FANCM: variants seen among roughly 807,000 people sequenced by gnomAD.
FANCM encodes the protein Fanconi anemia group M protein.
A neutral mutation model predicts 199.5 loss-of-function variants in FANCM; 140 were observed. The ratio of observed to expected loss-of-function variants is 0.70; its 90% CI spans 0.61 to 0.81. The LOEUF is 0.81. FANCM is among the 30% of genes least tolerant of loss of function. The probability of loss-of-function intolerance (pLI) is 0.00; values close to 1 mark genes in which losing one functional copy is unlikely to be tolerated. For synonymous variants in FANCM, 840 were observed against 836.8 expected (o/e 1.00, Z -0.07); for missense variants, 2,410 against 2,421.4 (o/e 1.00, Z 0.10).
intron 20 of FANCM, 104 bp downstream of exon 20, chr14:45,189,466 A>G (rs1343320889): frequency 8.7e-6 from 8 of 916,492 alleles, no homozygotes; most frequent in Non-Finnish European, 1.2e-5. Context: ...TCAAAGAAAA[A>G]TTAACAAAAA....
rs1594815120 is a variant in FANCM at position 45,189,094 on chromosome 14, A to G, written c.5072A>G (p.Asn1691Ser). The stretch of plus-strand genomic sequence containing the variant: ...AAAAGAGAATCTAATATTGCGGTTA[A>G]CCCAAGCACTGTTAAGAAGAACAAA... ...NDKRESNIAVNPSTVKKNKQQ... is the reference protein window; with the variant it reads ...NDKRESNIAVSPSTVKKNKQQ... The change falls in exon 20 of 23, where the codon AAC becomes AGC. Residue 1691 changes from asparagine to serine, a missense_variant. By Grantham distance (46) the Asn-to-Ser change is conservative (BLOSUM62 1). Coordinates refer to ENST00000267430, the MANE Select transcript of FANCM (RefSeq NM_020937.4). The G allele has an allele frequency of 6.2e-7, 1 of 1,614,212 alleles. No individual in the cohort carries two copies.
At chr14:45,136,587 C>T in intron 1 of FANCM, 48 bp downstream of exon 1, 1 of 1,573,840 alleles carries the variant, frequency 6.4e-7, no homozygotes. Flanking sequence ...GAATTCCTGA[C>T]CCATGTGGAA....
intron 5 of FANCM, among the ~76,000 whole-genome samples, chr14:45,152,819 G>A (rs547020929): frequency 6.6e-6 from 1 of 152,274 alleles, no homozygotes; most frequent in East Asian, 1.9e-4. Context: ...ATTATACCAC[G>A]AAATGTGGTC....
chr14:45,186,672 T>C (rs1889421319), intron 18 of FANCM, among the ~76,000 whole-genome samples: 1 of 152,192 alleles, frequency 6.6e-6, no homozygotes, highest in African/African-American at 2.4e-5. Context: ...TTAACAGAAG[T>C]GTTTTGCAGG....
At chr14:45,192,293 C>T (rs945564863) in intron 20 of FANCM, among the ~76,000 whole-genome samples, 1 of 152,194 alleles carries the variant, frequency 6.6e-6, no homozygotes, top group Non-Finnish European at 1.5e-5. Context: ...CAGGCCCCTC[C>T]AATGAAAAGC....
chr14:45,159,202 A>T lies in FANCM; in HGVS notation c.1503A>T (p.Pro501=). ...CAGAAATGCTTTCACAGCATCAGCC[A>T]ATTATTAGAGTAATGACTTTTGTCG... is the stretch of plus-strand genomic sequence containing the variant. ...EIAEMLSQHQ[P]IIRVMTFVGH... is the part of the protein sequence containing the mutation. The change falls in exon 9 of 23, where the codon CCA becomes CCT. Residue 501 remains proline, a synonymous_variant. Coordinates refer to ENST00000267430, the MANE Select transcript of FANCM (RefSeq NM_020937.4). 1 of 1,613,912 alleles carries T rather than the reference A, an allele frequency of 6.2e-7. No homozygotes were observed. The highest frequency in any genetic ancestry group is 1.1e-5 in the South Asian group (1 of 91,068).
chr14:45,161,414 CT>C (rs1887598372), intron 9 of FANCM, among the ~76,000 whole-genome samples: 1 of 152,086 alleles, frequency 6.6e-6, no homozygotes, highest in South Asian at 2.1e-4. Context: ...ATGACTTTCT[CT>C]TTTACTCTGA....
chr14:45,160,943 T>C (rs1879839021), intron 9 of FANCM, among the ~76,000 whole-genome samples: 1 of 152,120 alleles, frequency 6.6e-6, no homozygotes, highest in Admixed American at 6.5e-5. Flanking sequence ...AATAATACTT[T>C]TGCCTATTAT....
intron 9 of FANCM, among the ~76,000 whole-genome samples, chr14:45,161,615 C>T (rs1249602048): frequency 1.3e-5 from 2 of 151,990 alleles, no homozygotes; most frequent in African/African-American, 4.8e-5. Context: ...CTTATCTCTA[C>T]CAAAAATACA....
intron 3 of FANCM, among the ~76,000 whole-genome samples, chr14:45,145,138 G>C (rs1024325747): frequency 6.6e-6 from 1 of 151,660 alleles, no homozygotes; most frequent in African/African-American, 2.4e-5. Flanking sequence ...AGGGAGCTAG[G>C]GTCAGGAACG....
rs535515077 is a variant in FANCM at position 45,146,942 on chromosome 14, T to C, written c.760-1895T>C. On this transcript the variant is annotated intron_variant, in intron 3 of 22. Transcript: ENST00000267430. ...GTTATTTTCTTCTTAACATTTGTGA[T>C]AATTGGTCATTCTTTTGCGTATTGA... Among the ~76,000 whole-genome samples the C allele has an allele frequency of 2.3e-3, 350 of 152,238 alleles. 1 individual carries two copies. The highest frequency in any genetic ancestry group is 3.7e-3 in the Non-Finnish European group (249 of 68,000).
chr14:45,178,780 A>G (rs1888870882), intron 14 of FANCM, among the ~76,000 whole-genome samples: 1 of 152,200 alleles, frequency 6.6e-6, no homozygotes, highest in Non-Finnish European at 1.5e-5. Flanking sequence ...GTGGTTTTGT[A>G]TTTGTTATCT....
chr14:45,198,780 G>A lies in FANCM; in HGVS notation c.5853G>A (p.Val1951=), dbSNP rs1425417660. The change falls in exon 22 of 23, where the codon GTG becomes GTA. Residue 1951 remains valine, a synonymous_variant. Coordinates refer to ENST00000267430, the MANE Select transcript of FANCM (RefSeq NM_020937.4). Reference sequence around the variant, plus strand: ...ATTTGCTAAAGGAACTGTCTTTAGTGGAACAAAGAAAGAATGTTGGTATTC... The same window carrying A: ...ATTTGCTAAAGGAACTGTCTTTAGTAGAACAAAGAAAGAATGTTGGTATTC... The part of the protein sequence containing the change: ...TADLLKELSL[V]EQRKNVGIHV... 1.6e-5 allele frequency: 26 copies of A among 1,613,926 alleles called. No homozygotes were observed. The highest frequency in any genetic ancestry group is 2.1e-5 in the Non-Finnish European group (25 of 1,179,910).
At chr14:45,188,008 T>C in intron 19 of FANCM, 121 bp downstream of exon 19, 1 of 676,858 alleles carries the variant, frequency 1.5e-6, no homozygotes, top group Non-Finnish European at 2.7e-6. Flanking sequence ...AGATCATTTC[T>C]GCCCAAAGTC....
intron 20 of FANCM, among the ~76,000 whole-genome samples, chr14:45,189,666 T>C (rs1889642727): frequency 6.6e-6 from 1 of 152,166 alleles, no homozygotes; most frequent in Admixed American, 6.6e-5. Flanking sequence ...ACTGAAATTA[T>C]GTGTTCAGAG....
chr14:45,156,001 T>C (rs1166031312), intron 8 of FANCM, among the ~76,000 whole-genome samples: 3 of 152,044 alleles, frequency 2.0e-5, no homozygotes, highest in Non-Finnish European at 4.4e-5. Context: ...TGGGGTAATA[T>C]AAGGGAAGTG....
rs148988344 is a variant in FANCM at position 45,179,460 on chromosome 14, C to G, written c.4223-1970C>G. Among the ~76,000 whole-genome samples the G allele has an allele frequency of 6.5e-3, 981 of 151,496 alleles. 8 individuals carry two copies. The highest frequency in any genetic ancestry group is 0.023 in the African/African-American group (935 of 41,324). On this transcript the variant is annotated intron_variant, in intron 14 of 22. Coordinates refer to ENST00000267430, the MANE Select transcript of FANCM (RefSeq NM_020937.4). ...TTCTAATTATGTTTGTCCTTAATGT[C>G]TTTCTTTTTGCATTTTGCTCTTATA...
rs757377506 is a variant in FANCM at position 45,170,626 on chromosome 14, A to T, written c.2040A>T (p.Leu680Phe). 2 of 1,600,736 alleles carry T rather than the reference A, an allele frequency of 1.2e-6. No individual in the cohort carries two copies. The highest frequency in any genetic ancestry group is 4.5e-5 in the East Asian group (2 of 44,726). The change falls in exon 12 of 23, where the codon TTA becomes TTT. Residue 680 changes from leucine to phenylalanine, a missense_variant. Physicochemically the swap from Leu to Phe is conservative, Grantham distance 22 (BLOSUM62 0). Transcript: ENST00000267430. ...GTAGCCTAAAGAAAGATTGGTTCTT[A>T]TCAGAAGAAGAATTTAAATTATGGA... ...RQSSLKKDWF[L>F]SEEEFKLWNR...
At chr14:45,180,696 A>C (rs1889011661) in intron 14 of FANCM, 1 of 152,478 alleles carries the variant, frequency 6.6e-6, no homozygotes, top group Non-Finnish European at 1.5e-5. Flanking sequence ...CGGCCTCCCA[A>C]AGTGCTGGAA....
Sources: gnomAD v4.1 joint callset for allele counts (sites outside exome capture counted in the v4.1 genomes callset) on GRCh38, gnomAD v4.1.1 for gene constraint, MANE v1.5 for transcripts, NCBI Gene and HGNC (gene_info 2026-07-23, HGNC 2026-07-21) for gene names.